Variants in XRCC4 observed in about 807,000 individuals in gnomAD.
XRCC4 encodes the protein X-ray repair cross complementing 4.
Under a neutral mutation model 39.1 loss-of-function variants are expected in XRCC4, and 28 were observed. The observed-to-expected ratio is 0.72, with a 90% CI of 0.53 to 0.98. The LOEUF (loss-of-function observed/expected upper bound fraction) is 0.98, where lower values mean the gene tolerates loss of function less well. XRCC4 is among the 50% of genes least tolerant of loss of function. XRCC4 has a pLI of 0.00. For synonymous variants in XRCC4, 123 were observed against 126.4 expected (o/e 0.97, Z 0.18); for missense variants, 350 against 376.4 (o/e 0.93, Z 0.58).
At chr5:83,184,047 G>A (rs1750324116) in intron 3 of XRCC4, among the ~76,000 whole-genome samples, 3 of 151,966 alleles carry the variant, frequency 2.0e-5, no homozygotes, top group East Asian at 1.9e-4. Context: ...GCATTAAATC[G>A]TAAGTAAAGT....
At chr5:83,292,745 T>C (rs1158986446) in intron 7 of XRCC4, among the ~76,000 whole-genome samples, 2 of 151,728 alleles carry the variant, frequency 1.3e-5, no homozygotes, top group Non-Finnish European at 2.9e-5. Flanking sequence ...TTTTCTTTTT[T>C]AACTTAGTTG....
chr5:83,159,884 T>C (rs1208650891), intron 3 of XRCC4, among the ~76,000 whole-genome samples: 1 of 152,172 alleles, frequency 6.6e-6, no homozygotes, highest in Non-Finnish European at 1.5e-5. Flanking sequence ...TTTACCACTG[T>C]AAAATTTGTC....
chr5:83,335,879 T>A (rs530520394), intron 7 of XRCC4, among the ~76,000 whole-genome samples: 3 of 152,108 alleles, frequency 2.0e-5, no homozygotes, highest in African/African-American at 4.8e-5. Context: ...AAGCTTTTTT[T>A]AAAAGAAAAA....
At position 83,203,644 on chromosome 5, in the gene XRCC4, G is replaced by T. The variant is rs775587299; in HGVS notation, c.575G>T (p.Arg192Ile). 2.5e-6 allele frequency: 4 copies of T among 1,611,906 alleles called. No individual in the cohort carries two copies. The highest frequency in any genetic ancestry group is 3.4e-6 in the Non-Finnish European group (4 of 1,179,132). Residue 192 changes from arginine to isoleucine, a missense_variant, in exon 5 of 8, where the codon AGA becomes ATA. Arg to Ile is a moderately conservative substitution (Grantham distance 97). Coordinates refer to ENST00000396027, the MANE Select transcript of XRCC4 (RefSeq NM_003401.5). ...LVLNEKKTKI[R>I]SLHNKLLNAA... ...TTGAATGAGAAGAAAACAAAAATCA[G>T]AAGTTTGCATAATAAATTATTAAAT...
chr5:83,081,073 C>T (rs1287076458), intron 1 of XRCC4, among the ~76,000 whole-genome samples: 3 of 152,166 alleles, frequency 2.0e-5, no homozygotes, highest in Non-Finnish European at 4.4e-5. Context: ...CAGAAGCATG[C>T]TCAGATTGAA....
At chr5:83,133,581 AG>A (rs1747719425) in intron 3 of XRCC4, among the ~76,000 whole-genome samples, 1 of 152,192 alleles carries the variant, frequency 6.6e-6, no homozygotes, top group Non-Finnish European at 1.5e-5. Flanking sequence ...CTCAAGCCTC[AG>A]CAATGGTGGA....
chr5:83,204,203 A>G (rs925518449), intron 5 of XRCC4, among the ~76,000 whole-genome samples: 1 of 152,140 alleles, frequency 6.6e-6, no homozygotes, highest in Non-Finnish European at 1.5e-5. Context: ...GAAGAATCCT[A>G]AGTGACAAAT....
chr5:83,099,082 A>G (rs934364302), intron 1 of XRCC4, among the ~76,000 whole-genome samples: 2 of 152,242 alleles, frequency 1.3e-5, no homozygotes, highest in Non-Finnish European at 2.9e-5. Context: ...GTCAAACAAA[A>G]TAATGTAACC....
chr5:83,350,124 T>C (rs555907403), intron 7 of XRCC4, among the ~76,000 whole-genome samples: 48 of 152,176 alleles, frequency 3.2e-4, no homozygotes, highest in Non-Finnish European at 5.0e-4. Context: ...TAGTATTCCA[T>C]AGTGTATATG....
intron 7 of XRCC4, among the ~76,000 whole-genome samples, chr5:83,313,917 A>G (rs559743542): frequency 2.6e-3 from 374 of 143,814 alleles, no homozygotes; most frequent in African/African-American, 9.7e-3. Context: ...TATAAGTTTT[A>G]TAAAGACAGT....
intron 1 of XRCC4, among the ~76,000 whole-genome samples, chr5:83,093,777 G>A (rs1029811734): frequency 6.6e-6 from 1 of 151,984 alleles, no homozygotes; most frequent in Non-Finnish European, 1.5e-5. Flanking sequence ...ATGAAAACAC[G>A]GTATGCCAAA....
At chr5:83,133,692 C>T (rs1185483) in intron 3 of XRCC4, among the ~76,000 whole-genome samples, 1 of 152,200 alleles carries the variant, frequency 6.6e-6, no homozygotes, top group African/African-American at 2.4e-5. Flanking sequence ...CCAAGCCAGG[C>T]GTGGGATATA....
intron 7 of XRCC4, among the ~76,000 whole-genome samples, chr5:83,268,672 T>C (rs1490050202): frequency 6.6e-6 from 1 of 152,106 alleles, no homozygotes; most frequent in Admixed American, 6.5e-5. Flanking sequence ...AGGCATGGGG[T>C]TTCTCTTACT....
chr5:83,282,429 T>C (rs1038303786), intron 7 of XRCC4, among the ~76,000 whole-genome samples: 1 of 152,148 alleles, frequency 6.6e-6, no homozygotes, highest in African/African-American at 2.4e-5. Flanking sequence ...TTGATAACCA[T>C]GTCAGAAAAG....
At chr5:83,351,031 C>G (rs1003399296) in intron 7 of XRCC4, among the ~76,000 whole-genome samples, 1 of 152,062 alleles carries the variant, frequency 6.6e-6, no homozygotes, top group Admixed American at 6.5e-5. Flanking sequence ...GAAGAAGGGG[C>G]CTGGTGGGAG....
intron 6 of XRCC4, among the ~76,000 whole-genome samples, chr5:83,250,802 T>A (rs896032294): frequency 3.3e-5 from 5 of 152,196 alleles, no homozygotes; most frequent in African/African-American, 1.2e-4. Flanking sequence ...AAAAAAAGCA[T>A]CTATATAAGA....
At chr5:83,363,813 C>T in the XRCC4 span, among the ~76,000 whole-genome samples, 2 of 152,188 alleles carry the variant, frequency 1.3e-5, no homozygotes, top group African/African-American at 4.8e-5. Flanking sequence ...CCCAACCCTG[C>T]TTTGACATCT....
intron 3 of XRCC4, among the ~76,000 whole-genome samples, chr5:83,114,149 T>C: frequency 8.1e-6 from 1 of 123,058 alleles, no homozygotes; most frequent in East Asian, 2.0e-4. Context: ...AATGGGGGCC[T>C]GGACCTGGCC....
At chr5:83,179,092 A>G (rs577547584) in intron 3 of XRCC4, among the ~76,000 whole-genome samples, 1 of 152,336 alleles carries the variant, frequency 6.6e-6, no homozygotes, top group South Asian at 2.1e-4. Flanking sequence ...ACAGCCATCA[A>G]GCTTTAATAT....
Sources: allele counts gnomAD v4.1 joint callset (sites outside exome capture counted in the v4.1 genomes callset), GRCh38; gene constraint gnomAD v4.1.1; transcripts MANE v1.5; gene names NCBI Gene and HGNC (gene_info 2026-07-23, HGNC 2026-07-21).